Variants in ATPSCKMT observed in about 807,000 individuals in gnomAD.
The protein encoded by ATPSCKMT is ATP synthase c subunit lysine N-methyltransferase, also known as ATP synthase subunit C lysine N-methyltransferase.
ATPSCKMT carries 24 observed loss-of-function variants against 24.3 expected under a neutral mutation model. That is an observed-to-expected ratio of 0.99 (90% CI 0.71 to 1.39). The LOEUF is 1.39. Ranked by LOEUF, ATPSCKMT falls within the 40% of genes most tolerant of loss-of-function variation. ATPSCKMT has a pLI of 0.00. For synonymous variants in ATPSCKMT, 95 were observed against 110.5 expected, an observed-to-expected ratio of 0.86 and a Z score of 0.88; for missense variants, 311 against 298.4, an observed-to-expected ratio of 1.04 and a Z score of -0.31.
In ATPSCKMT at chr5:10,238,902, C is replaced by T. The variant is rs1309206715; in HGVS notation, c.306+165G>A. On this transcript the variant is annotated intron_variant, in intron 2 of 4. Coordinates refer to ENST00000511437, the MANE Select transcript of ATPSCKMT (RefSeq NM_199133.4). ...AAATTAAATCTGGGAAAAATGAATTCCAAACACACTGGTAGTTGAATAGTT... is the reference window on the plus strand; with the variant it reads ...AAATTAAATCTGGGAAAAATGAATTTCAAACACACTGGTAGTTGAATAGTT... The T allele has an allele frequency of 3.6e-6, 3 of 825,138 alleles. No individual in the cohort carries two copies. In the East Asian group the frequency reaches 8.2e-5, roughly 23 times the overall value. 51.1% of individuals were successfully genotyped at this position (825,138 alleles called of 1,614,324 possible). A position where few individuals can be genotyped will look rare whatever the true frequency, so the allele number is the denominator to read the frequency against.
intron 4 of ATPSCKMT, among the ~76,000 whole-genome samples, chr5:10,233,429 G>A (rs1358883160): frequency 6.6e-6 from 1 of 152,190 alleles, no homozygotes; most frequent in Non-Finnish European, 1.5e-5. Flanking sequence ...AGGGAACGTG[G>A]ACACTTTGTA....
chr5:10,228,004 CATT>C (rs1427660382), intron 4 of ATPSCKMT, among the ~76,000 whole-genome samples: 1 of 152,158 alleles, frequency 6.6e-6, no homozygotes, highest in Non-Finnish European at 1.5e-5. Context: ...ATATTTAAGA[CATT>C]ATTTTTCCAC....
At chr5:10,229,289 T>C (rs992100798) in intron 4 of ATPSCKMT, among the ~76,000 whole-genome samples, 5 of 152,190 alleles carry the variant, frequency 3.3e-5, no homozygotes, top group African/African-American at 1.2e-4. Flanking sequence ...CAGTCTTTCT[T>C]TGGTTTTCGT....
chr5:10,241,104 G>C (rs1744623483), intron 1 of ATPSCKMT, among the ~76,000 whole-genome samples: 1 of 152,114 alleles, frequency 6.6e-6, no homozygotes, highest in Non-Finnish European at 1.5e-5. Flanking sequence ...CCCTCGGGCA[G>C]GTTTTCTTGT....
chr5:10,228,135 G>A (rs1411907701), intron 4 of ATPSCKMT, among the ~76,000 whole-genome samples: 1 of 152,162 alleles, frequency 6.6e-6, no homozygotes, highest in African/African-American at 2.4e-5. Flanking sequence ...GTGAGCCACT[G>A]CGCCCAGCCA....
At chr5:10,238,932 C>T (rs1437987464) in intron 2 of ATPSCKMT, 135 bp downstream of exon 2, 5 of 1,143,820 alleles carry the variant, frequency 4.4e-6, no homozygotes, top group African/African-American at 3.1e-5. Flanking sequence ...ATAGTTTGGT[C>T]AAACAAACAT....
chr5:10,243,892 C>G (rs1744762427), intron 1 of ATPSCKMT, among the ~76,000 whole-genome samples: 1 of 152,234 alleles, frequency 6.6e-6, no homozygotes, highest in Non-Finnish European at 1.5e-5. Flanking sequence ...TCTTTGCATT[C>G]ACAACCTGGC....
intron 1 of ATPSCKMT, among the ~76,000 whole-genome samples, chr5:10,244,928 A>C (rs1202268992): frequency 3.9e-5 from 6 of 151,976 alleles, no homozygotes; most frequent in Non-Finnish European, 7.4e-5. Flanking sequence ...AAAAAAAGAA[A>C]AGTCAAGGCA....
chr5:10,227,549 G>C lies in ATPSCKMT; in HGVS notation c.594C>G (p.Val198=). 6.2e-7 allele frequency: 1 copy of C among 1,614,190 alleles called. No homozygotes were observed. The part of the protein sequence containing the change: ...FPFPHWTPDH[V]TGEGIDTVWA... ...ACACTGTGTCTATCCCCTCCCCCGTGACGTGGTCTGGAGTCCAATGTGGGA... is the reference window on the plus strand; with the variant it reads ...ACACTGTGTCTATCCCCTCCCCCGTCACGTGGTCTGGAGTCCAATGTGGGA... The change falls in exon 5 of 5, where the codon GTC becomes GTG. Residue 198 remains valine (V), a synonymous_variant. Coordinates refer to ENST00000511437, the MANE Select transcript of ATPSCKMT (RefSeq NM_199133.4).
rs189381631 is a variant in ATPSCKMT at position 10,242,301 on chromosome 5, T to C, written c.17-2945A>G. ...GCCACTACTTTATCAACTAAGTTTA[T>C]AAAATATTCTAAGTTCTTTGTCATC... is the stretch of plus-strand genomic sequence containing the variant. On this transcript the variant is annotated intron_variant, in intron 1 of 4. Transcript: ENST00000511437. 2.5e-3 allele frequency among the ~76,000 whole-genome samples: 387 copies of C among 152,346 alleles called. 1 individual carries two copies. Among genetic ancestry groups the C allele is most frequent in the African/African-American group, 7.8e-3 (326 of 41,574 alleles).
chr5:10,238,110 T>A (rs1744457317), intron 2 of ATPSCKMT, among the ~76,000 whole-genome samples: 1 of 152,102 alleles, frequency 6.6e-6, no homozygotes, highest in Non-Finnish European at 1.5e-5. Flanking sequence ...GAGTAGAAAG[T>A]TATTATTTAA....
chr5:10,239,391 C>T (rs753203369), intron 1 of ATPSCKMT, 35 bp from the exon 2 acceptor site: 1 of 1,544,098 alleles, frequency 6.5e-7, no homozygotes. Flanking sequence ...ACACATGTAG[C>T]ACCAAATCTG....
chr5:10,229,790 T>C lies in ATPSCKMT; in HGVS notation c.496-2143A>G, dbSNP rs184043562. ...TATATTCTTATTTCATTTGATGGGT[T>C]ATAATCCATTACTGTCCTTGTGTAT... On this transcript the variant is annotated intron_variant, in intron 4 of 4. Transcript: ENST00000511437. Among the ~76,000 whole-genome samples, 30 of 152,380 alleles carry C rather than the reference T, an allele frequency of 2.0e-4. No homozygotes were observed. The East Asian group carries it at 3.1e-3, about 16-fold the overall frequency.
Position 10,236,562 on chromosome 5 carries a change from T to A in ATPSCKMT, c.360A>T (p.Pro120=). 1 of 1,614,214 alleles carries A rather than the reference T, an allele frequency of 6.2e-7. No homozygotes were observed. Among genetic ancestry groups the A allele is most frequent in the Non-Finnish European group, 8.5e-7 (1 of 1,180,034 alleles). The change falls in exon 3 of 5, where the codon CCA becomes CCT. Residue 120 remains proline, a synonymous_variant. Transcript: ENST00000511437. ...GGTATCTGGAATACCAAACTAGCCA[T>A]GGGTTTAATTCATAACCAACTGCTG... ...GFTAVGYELN[P]WLVWYSRYRA...
At chr5:10,248,046 G>A (rs1056256781) in intron 1 of ATPSCKMT, among the ~76,000 whole-genome samples, 7 of 152,220 alleles carry the variant, frequency 4.6e-5, no homozygotes, top group African/African-American at 7.2e-5. Context: ...AGGCCAAGAA[G>A]AGAGAAGGAG....
In ATPSCKMT at chr5:10,238,952, T is replaced by C. The variant is rs73741345; in HGVS notation, c.306+115A>G. ...TTGGTCAAACAAACATAAAATGAAATGAGCACTCTTTCAAGCTGTCAGATT... is the reference window on the plus strand; with the variant it reads ...TTGGTCAAACAAACATAAAATGAAACGAGCACTCTTTCAAGCTGTCAGATT... On this transcript the variant is annotated intron_variant, in intron 2 of 4. Transcript: ENST00000511437. The C allele has an allele frequency of 2.7e-3, 3,424 of 1,264,490 alleles. 82 individuals are homozygous for C. In the African/African-American group the frequency reaches 0.045, roughly 17 times the overall value. The allele number at this position is 1,264,490 out of a possible 1,614,324, so 78.3% of individuals were successfully genotyped here. A position where few individuals can be genotyped will look rare whatever the true frequency, so the allele number is the denominator to read the frequency against.
chr5:10,249,711 G>T, intron 1 of ATPSCKMT, 147 bp downstream of exon 1: 2 of 1,299,510 alleles, frequency 1.5e-6, no homozygotes, highest in Non-Finnish European at 2.1e-6. Flanking sequence ...AGGAGCTCTG[G>T]TCACCGAAGG....
chr5:10,231,113 G>T (rs960582692), intron 4 of ATPSCKMT, among the ~76,000 whole-genome samples: 1 of 152,052 alleles, frequency 6.6e-6, no homozygotes, highest in African/African-American at 2.4e-5. Context: ...AACTCCAAGC[G>T]TGTGGCAGGA....
At chr5:10,245,518 G>A (rs998216139) in intron 1 of ATPSCKMT, among the ~76,000 whole-genome samples, 11 of 152,170 alleles carry the variant, frequency 7.2e-5, no homozygotes, top group African/African-American at 2.7e-4. Flanking sequence ...GGCTGAGGCG[G>A]GTGGATCACC....
Sources: allele counts gnomAD v4.1 joint callset (sites outside exome capture counted in the v4.1 genomes callset), GRCh38; gene constraint gnomAD v4.1.1; transcripts MANE v1.5; gene names NCBI Gene and HGNC (gene_info 2026-07-23, HGNC 2026-07-21).